TENM3: variants seen among roughly 807,000 people sequenced by gnomAD.
TENM3 encodes teneurin transmembrane protein 3, also known as teneurin-3.
Under a neutral mutation model 255.1 loss-of-function variants are expected in TENM3, and 63 were observed. That is an observed-to-expected ratio of 0.25 (90% CI 0.20 to 0.30). The LOEUF is 0.30. TENM3 is among the 10% of genes least tolerant of loss of function. TENM3 has a pLI of 1.00. For missense variants in TENM3, 2,929 were observed against 3,461.1 expected (o/e 0.85, Z 3.86); for synonymous variants, 1,306 against 1,322.3 (o/e 0.99, Z 0.27).
the TENM3 span, among the ~76,000 whole-genome samples, chr4:182,032,936 C>A: frequency 6.6e-6 from 1 of 150,866 alleles, no homozygotes; most frequent in African/African-American, 2.4e-5. Flanking sequence ...TCACTCTTTT[C>A]TTCTTTATTA....
chr4:182,062,311 T>A, the TENM3 span, among the ~76,000 whole-genome samples: 1 of 152,286 alleles, frequency 6.6e-6, no homozygotes, highest in Non-Finnish European at 1.5e-5. Context: ...TACAATTGTG[T>A]ATTTGTGTAT....
the TENM3 span, among the ~76,000 whole-genome samples, chr4:181,634,788 G>A: frequency 2.6e-5 from 4 of 152,020 alleles, no homozygotes; most frequent in African/African-American, 4.8e-5. Flanking sequence ...CAATTCAGTC[G>A]TGGCTGTTTA....
At chr4:182,768,321 C>T (rs1038938146) in intron 22 of TENM3, among the ~76,000 whole-genome samples, 6 of 152,298 alleles carry the variant, frequency 3.9e-5, no homozygotes, top group Admixed American at 3.9e-4. Flanking sequence ...AGAAAGTTTT[C>T]GAGAACTGCA....
the TENM3 span, among the ~76,000 whole-genome samples, chr4:181,830,766 C>T: frequency 2.6e-5 from 4 of 152,194 alleles, no homozygotes; most frequent in Non-Finnish European, 5.9e-5. Context: ...GGACTGAAAT[C>T]TTTAACCACT....
chr4:182,480,924 T>C (rs1734134345), intron 3 of TENM3, among the ~76,000 whole-genome samples: 1 of 152,152 alleles, frequency 6.6e-6, no homozygotes, highest in Non-Finnish European at 1.5e-5. Context: ...TACGGAGTCA[T>C]TTTATTGAGT....
chr4:181,781,946 GC>G, the TENM3 span, among the ~76,000 whole-genome samples: 1 of 152,160 alleles, frequency 6.6e-6, no homozygotes, highest in Non-Finnish European at 1.5e-5. Context: ...TATTGAACCA[GC>G]CTTGCATCCT....
chr4:181,652,079 A>C, the TENM3 span, among the ~76,000 whole-genome samples: 2 of 150,428 alleles, frequency 1.3e-5, no homozygotes, highest in African/African-American at 4.9e-5. Context: ...GTTCTGTCAA[A>C]TTGTTTCTCT....
the TENM3 span, among the ~76,000 whole-genome samples, chr4:181,701,993 C>A: frequency 3.3e-5 from 5 of 152,200 alleles, no homozygotes; most frequent in Admixed American, 2.0e-4. Flanking sequence ...TGACCAGAAG[C>A]AGCCTAGGTC....
chr4:181,568,058 A>G, the TENM3 span, among the ~76,000 whole-genome samples: 1 of 152,120 alleles, frequency 6.6e-6, no homozygotes. Flanking sequence ...TTAAGGAATG[A>G]TCAAGCATCT....
At chr4:181,536,424 A>G in the TENM3 span, among the ~76,000 whole-genome samples, 1 of 152,224 alleles carries the variant, frequency 6.6e-6, no homozygotes, top group Non-Finnish European at 1.5e-5. Flanking sequence ...TCTCCAAGAG[A>G]GGAGCATTCT....
chr4:182,473,269 A>G (rs542527222), intron 3 of TENM3, among the ~76,000 whole-genome samples: 97 of 152,354 alleles, frequency 6.4e-4, no homozygotes, highest in African/African-American at 2.3e-3. Context: ...AGAAACAAAG[A>G]TCTTCTTTGA....
the TENM3 span, among the ~76,000 whole-genome samples, chr4:181,554,008 C>G: frequency 1.2e-3 from 190 of 152,264 alleles, no homozygotes; most frequent in Non-Finnish European, 2.3e-3. Context: ...GACTCTGCTC[C>G]CTTTTTTCCC....
the TENM3 span, among the ~76,000 whole-genome samples, chr4:181,881,456 G>A: frequency 2.0e-5 from 3 of 152,018 alleles, no homozygotes; most frequent in Non-Finnish European, 2.9e-5. Flanking sequence ...AGTTCATTTT[G>A]TCTGTCTTCA....
chr4:182,458,438 G>A (rs905501162), intron 3 of TENM3, among the ~76,000 whole-genome samples: 7 of 152,058 alleles, frequency 4.6e-5, no homozygotes, highest in Non-Finnish European at 7.4e-5. Flanking sequence ...AAAACCTTCC[G>A]GTTAGGAAGT....
the TENM3 span, among the ~76,000 whole-genome samples, chr4:181,616,314 T>TACACACACAC: frequency 1.5e-3 from 152 of 103,704 alleles, no homozygotes; most frequent in African/African-American, 5.6e-3. Context: ...ACCCATAGAA[T>TACACACACAC]ACACACACAC....
intron 3 of TENM3, among the ~76,000 whole-genome samples, chr4:182,576,780 A>G (rs1184395065): frequency 6.6e-6 from 1 of 152,146 alleles, no homozygotes; most frequent in Non-Finnish European, 1.5e-5. Flanking sequence ...ACACACACCC[A>G]CATACACACA....
chr4:182,292,825 C>T (rs985837346), intron 1 of TENM3, among the ~76,000 whole-genome samples: 1 of 152,130 alleles, frequency 6.6e-6, no homozygotes, highest in African/African-American at 2.4e-5. Context: ...GTACATTAGG[C>T]CCAGGTGGTT....
the TENM3 span, among the ~76,000 whole-genome samples, chr4:181,856,671 G>A: frequency 5.3e-5 from 8 of 152,174 alleles, no homozygotes; most frequent in Non-Finnish European, 7.3e-5. Flanking sequence ...TTGGTGTGGC[G>A]TGAGGTTCTG....
rs552596702 is a variant in TENM3, at chr4:182,536,319, C to A, written c.512-64605C>A. ...CATGCAAATAGCCTCTCAAGTCTTT[C>A]TTCTATCAGTGTGGCCATGTTCTAG... is the stretch of plus-strand genomic sequence containing the variant. On this transcript the variant is annotated intron_variant, in intron 3 of 27. Coordinates refer to ENST00000511685, the MANE Select transcript of TENM3 (RefSeq NM_001080477.4). 4.6e-5 allele frequency among the ~76,000 whole-genome samples: 7 copies of A among 152,308 alleles called. No homozygotes were observed. In the East Asian group the frequency reaches 1.4e-3, roughly 29 times the overall value.
Sources: gnomAD v4.1 joint callset for allele counts (sites outside exome capture counted in the v4.1 genomes callset) on GRCh38, gnomAD v4.1.1 for gene constraint, MANE v1.5 for transcripts, NCBI Gene and HGNC (gene_info 2026-07-23, HGNC 2026-07-21) for gene names.